SETBP1: variants seen among roughly 807,000 people sequenced by gnomAD.
SETBP1 encodes the protein SET-binding protein.
Under a neutral mutation model 101.0 loss-of-function variants are expected in SETBP1, and 9 were observed. The observed-to-expected ratio is 0.09, with a 90% CI of 0.05 to 0.16. The LOEUF (loss-of-function observed/expected upper bound fraction) is 0.16, where lower values mean the gene tolerates loss of function less well. Among genes scored for constraint, SETBP1 ranks in the 10% least tolerant of loss-of-function variants. SETBP1 has a pLI of 1.00. For synonymous variants in SETBP1, 818 were observed against 788.5 expected, an observed-to-expected ratio of 1.04 and a Z score of -0.63; for missense variants, 1,858 against 2,033.8, an observed-to-expected ratio of 0.91 and a Z score of 1.66.
At chr18:45,045,541 G>A (rs1179205518) in intron 5 of SETBP1, among the ~76,000 whole-genome samples, 1 of 151,268 alleles carries the variant, frequency 6.6e-6, no homozygotes, top group Non-Finnish European at 1.5e-5. Flanking sequence ...GGCCCAAAGG[G>A]ACTTGTCTCC....
At chr18:44,769,147 A>G (rs1420423827) in intron 2 of SETBP1, among the ~76,000 whole-genome samples, 2 of 152,012 alleles carry the variant, frequency 1.3e-5, no homozygotes, top group African/African-American at 4.8e-5. Context: ...CAGAAAAGGA[A>G]CTCTCATCTA....
chr18:44,800,258 C>G (rs1041763733), intron 2 of SETBP1, among the ~76,000 whole-genome samples: 1 of 152,102 alleles, frequency 6.6e-6, no homozygotes, highest in African/African-American at 2.4e-5. Context: ...TTAAAAATGC[C>G]TGCTTTGGAT....
intron 3 of SETBP1, among the ~76,000 whole-genome samples, chr18:44,907,785 T>A (rs2070209804): frequency 6.6e-6 from 1 of 152,220 alleles, no homozygotes; most frequent in African/African-American, 2.4e-5. Flanking sequence ...ATTTTCCTTT[T>A]ATTGTATGAG....
chr18:44,694,703 AG>A (rs145114947), intron 1 of SETBP1, among the ~76,000 whole-genome samples: 3,128 of 152,334 alleles, frequency 0.021, 94 homozygotes, highest in African/African-American at 0.071. Flanking sequence ...AATGGGTAGA[AG>A]GTAGTCCAGT....
At chr18:45,005,445 T>C (rs768619017) in intron 4 of SETBP1, among the ~76,000 whole-genome samples, 5 of 152,230 alleles carry the variant, frequency 3.3e-5, no homozygotes, top group Admixed American at 6.5e-5. Flanking sequence ...AATTTCTAAG[T>C]GCATCCAGAA....
intron 2 of SETBP1, among the ~76,000 whole-genome samples, chr18:44,716,724 G>A (rs1034768027): frequency 2.0e-4 from 30 of 151,976 alleles, no homozygotes; most frequent in African/African-American, 6.0e-4. Flanking sequence ...CACCATGCCC[G>A]GCTCATTTTT....
At chr18:44,783,602 A>G (rs2071179664) in intron 2 of SETBP1, among the ~76,000 whole-genome samples, 1 of 152,252 alleles carries the variant, frequency 6.6e-6, no homozygotes, top group Non-Finnish European at 1.5e-5. Flanking sequence ...GCCTATGCAC[A>G]AAAACAAATG....
intron 4 of SETBP1, among the ~76,000 whole-genome samples, chr18:44,978,665 C>G (rs2072043893): frequency 6.6e-6 from 1 of 152,156 alleles, no homozygotes; most frequent in Non-Finnish European, 1.5e-5. Flanking sequence ...GCATTACTGT[C>G]ATTCTTAACA....
intron 5 of SETBP1, among the ~76,000 whole-genome samples, chr18:45,052,509 A>T (rs2073738751): frequency 1.3e-5 from 2 of 152,230 alleles, no homozygotes; most frequent in African/African-American, 2.4e-5. Context: ...AGGGCAGAAG[A>T]GTTGCCTCTG....
At position 44,993,821 on chromosome 18, in the gene SETBP1, G is replaced by A. The variant is rs190002259; in HGVS notation, c.4000+40481G>A. 5.6e-3 allele frequency among the ~76,000 whole-genome samples: 851 copies of A among 152,016 alleles called. 7 individuals are homozygous for A. Among genetic ancestry groups the A allele is most frequent in the Middle Eastern group, 0.014 (4 of 294 alleles). ...GGAATAACTAAGATCTCTTAAAGAAGAAGAAAAGGCGGAGGACTTACCCTA... is the reference window on the plus strand; with the variant it reads ...GGAATAACTAAGATCTCTTAAAGAAAAAGAAAAGGCGGAGGACTTACCCTA... On this transcript the variant is annotated intron_variant, in intron 4 of 5. Coordinates refer to ENST00000649279, the MANE Select transcript of SETBP1 (RefSeq NM_015559.3).
At chr18:45,024,994 C>T (rs1032161004) in intron 4 of SETBP1, among the ~76,000 whole-genome samples, 3 of 152,202 alleles carry the variant, frequency 2.0e-5, no homozygotes, top group African/African-American at 7.2e-5. Flanking sequence ...CGCCTGGAGG[C>T]ACTAAAGTTT....
intron 3 of SETBP1, among the ~76,000 whole-genome samples, chr18:44,906,055 G>A (rs1460231459): frequency 6.6e-6 from 1 of 152,178 alleles, no homozygotes; most frequent in African/African-American, 2.4e-5. Flanking sequence ...GTTCTGATTA[G>A]AAAGGTCAGT....
intron 4 of SETBP1, among the ~76,000 whole-genome samples, chr18:44,995,572 T>C (rs2072480174): frequency 6.6e-6 from 1 of 150,886 alleles, no homozygotes; most frequent in South Asian, 2.1e-4. Context: ...TGTGTGTGTG[T>C]GTATAAAATG....
chr18:45,035,232 T>G (rs887779188), intron 4 of SETBP1, among the ~76,000 whole-genome samples: 9 of 152,252 alleles, frequency 5.9e-5, no homozygotes, highest in African/African-American at 2.2e-4. Context: ...TTTCTAGGAT[T>G]GTTTCCATTA....
At chr18:44,938,555 G>T (rs1172007951) in intron 3 of SETBP1, among the ~76,000 whole-genome samples, 1 of 152,228 alleles carries the variant, frequency 6.6e-6, no homozygotes, top group African/African-American at 2.4e-5. Flanking sequence ...TACACTGGAG[G>T]AGCCATTACC....
rs1033250728 is a variant in SETBP1 at position 44,706,150 on chromosome 18, A to G, written c.486+4318A>G. Among the ~76,000 whole-genome samples, 15 of 152,116 alleles carry G rather than the reference A, an allele frequency of 9.9e-5. 1 individual carries two copies. The highest frequency in any genetic ancestry group is 1.5e-5 in the Non-Finnish European group (1 of 68,012). ...TTTTGCAGATGGACCCCACACATGT[A>G]ACTTGTTCTTTATCATGGGACCAAC... On this transcript the variant is annotated intron_variant, in intron 2 of 5. Transcript: ENST00000649279.
intron 3 of SETBP1, among the ~76,000 whole-genome samples, chr18:44,890,765 C>T (rs117173497): frequency 6.6e-6 from 1 of 152,048 alleles, no homozygotes; most frequent in African/African-American, 2.4e-5. Context: ...CCTGCAACCT[C>T]ATGAAGGCAG....
intron 4 of SETBP1, among the ~76,000 whole-genome samples, chr18:44,970,961 CA>C (rs1232782109): frequency 3.3e-5 from 5 of 151,934 alleles, no homozygotes; most frequent in African/African-American, 1.2e-4. Flanking sequence ...TGGTGTGCTG[CA>C]ACCCATTAAC....
intron 2 of SETBP1, among the ~76,000 whole-genome samples, chr18:44,805,875 G>C (rs1003039149): frequency 6.6e-6 from 1 of 152,098 alleles, no homozygotes; most frequent in African/African-American, 2.4e-5. Flanking sequence ...AATCAGATAA[G>C]GCAGTGGTAG....
Sources: allele counts gnomAD v4.1 joint callset (sites outside exome capture counted in the v4.1 genomes callset), GRCh38; gene constraint gnomAD v4.1.1; transcripts MANE v1.5; gene names NCBI Gene and HGNC (gene_info 2026-07-23, HGNC 2026-07-21).